PTCD2: variants seen among roughly 807,000 people sequenced by gnomAD.
The protein encoded by PTCD2 is pentatricopeptide repeat domain 2, also known as pentatricopeptide repeat-containing protein 2, mitochondrial.
A neutral mutation model predicts 42.6 loss-of-function variants in PTCD2; 31 were observed. The observed-to-expected ratio is 0.73, with a 90% CI of 0.55 to 0.98. The LOEUF is 0.98. Among genes scored for constraint, PTCD2 ranks in the 50% least tolerant of loss-of-function variants. PTCD2 has a pLI of 0.00. For synonymous variants in PTCD2, 183 were observed against 170.9 expected (o/e 1.07, Z -0.55); for missense variants, 476 against 454.8 (o/e 1.05, Z -0.42).
intron 8 of PTCD2, among the ~76,000 whole-genome samples, chr5:72,344,023 G>T (rs1341400322): frequency 6.6e-6 from 1 of 152,204 alleles, no homozygotes; most frequent in African/African-American, 2.4e-5. Flanking sequence ...AGGAAAACAA[G>T]TCACAATCAA....
chr5:72,326,526 G>A (rs540265245), intron 2 of PTCD2, 86 bp from the exon 3 acceptor site: 16 of 1,476,532 alleles, frequency 1.1e-5, no homozygotes, highest in Middle Eastern at 1.8e-4. Context: ...GTGAGCCGGG[G>A]TTGGGCTTCC....
chr5:72,342,014 C>T (rs1752089585), intron 7 of PTCD2, among the ~76,000 whole-genome samples: 1 of 151,862 alleles, frequency 6.6e-6, no homozygotes, highest in African/African-American at 2.4e-5. Flanking sequence ...CACTGCACTC[C>T]AGCCTGGGCA....
Position 72,359,594 on chromosome 5 carries a change from C to A in PTCD2, c.*1167C>A, listed in dbSNP as rs1753044482. 6.6e-6 allele frequency: 1 copy of A among 152,206 alleles called. No individual in the cohort carries two copies. Among genetic ancestry groups the A allele is most frequent in the African/African-American group, 2.4e-5 (1 of 41,460 alleles). 9.4% of individuals were successfully genotyped at this position (152,206 alleles called of 1,614,324 possible). A position where few individuals can be genotyped will look rare whatever the true frequency, so the allele number is the denominator to read the frequency against. Reference sequence around the variant, plus strand: ...TTCTGAGTCTCCTAATTAATTCCTTCATCTTTCAGGTTAAGGAAACGATCC... The same window carrying A: ...TTCTGAGTCTCCTAATTAATTCCTTAATCTTTCAGGTTAAGGAAACGATCC... On this transcript the variant is annotated 3_prime_UTR_variant, in exon 10 of 10. Coordinates refer to ENST00000380639, the MANE Select transcript of PTCD2 (RefSeq NM_024754.5).
In PTCD2 at chr5:72,335,041, C is replaced by T. The variant is rs1751655127; in HGVS notation, c.492C>T (p.Asp164=). The stretch of plus-strand genomic sequence containing the variant: ...AGCATTTACGAGGTTTCTTCTCAGA[C>T]TCCACATCATTCAATATTTTGATGG... ...KDQHLRGFFS[D]STSFNILMDM... The change falls in exon 5 of 10, where the codon GAC becomes GAT. Residue 164 remains aspartate, a synonymous_variant. Transcript: ENST00000380639. The T allele has an allele frequency of 2.5e-6, 4 of 1,596,180 alleles. No homozygotes were observed. Among genetic ancestry groups the T allele is most frequent in the Non-Finnish European group, 3.4e-6 (4 of 1,164,256 alleles).
chr5:72,335,133 C>A, intron 5 of PTCD2, 37 bp downstream of exon 5: 2 of 1,223,072 alleles, frequency 1.6e-6, no homozygotes, highest in East Asian at 2.3e-5. Context: ...AAAAATTCTG[C>A]CATGTTTGCT....
rs2112160796 is a variant in PTCD2, at chr5:72,335,027, G to A, written c.478G>A (p.Gly160Ser). ...VELMKDQHLR[G>S]FFSDSTSFNI... ...TGTTCTTCTTCGTTAGCATTTACGA[G>A]GTTTCTTCTCAGACTCCACATCATT... Residue 160 changes from glycine to serine, a missense_variant, in exon 5 of 10, where the codon GGT becomes AGT. Coordinates refer to ENST00000380639, the MANE Select transcript of PTCD2 (RefSeq NM_024754.5). The A allele has an allele frequency of 6.3e-7, 1 of 1,591,670 alleles. No individual in the cohort carries two copies. Among genetic ancestry groups the A allele is most frequent in the Non-Finnish European group, 8.6e-7 (1 of 1,160,422 alleles).
rs764385462 is a variant in PTCD2, at chr5:72,343,014, G to A, written c.806G>A (p.Ser269Asn). ...TTTTCTCAAATCATGAATCCAGAAAGCATAGCCTGCATTAATTTAAATGTA... is the reference window on the plus strand; with the variant it reads ...TTTTCTCAAATCATGAATCCAGAAAACATAGCCTGCATTAATTTAAATGTA... ...SIFSQIMNPE[S>N]IACINLNIII... The change falls in exon 8 of 10, where the codon AGC (serine) becomes AAC (asparagine). Residue 269 changes from serine (S) to asparagine (N), a missense_variant. Physicochemically the swap from Ser to Asn is conservative, Grantham distance 46. Transcript: ENST00000380639. 1.3e-6 allele frequency: 2 copies of A among 1,591,896 alleles called. No homozygotes were observed. The highest frequency in any genetic ancestry group is 4.5e-5 in the East Asian group (2 of 44,334).
chr5:72,326,283 T>TG (rs1751132489), intron 2 of PTCD2, among the ~76,000 whole-genome samples: 1 of 152,262 alleles, frequency 6.6e-6, no homozygotes, highest in Non-Finnish European at 1.5e-5. Context: ...GCCAAGCCTC[T>TG]GGAACAGTAA....
chr5:72,330,254 A>G (rs568497654), intron 3 of PTCD2, among the ~76,000 whole-genome samples: 4 of 152,158 alleles, frequency 2.6e-5, no homozygotes, highest in Non-Finnish European at 1.5e-5. Context: ...TGTAACTTCT[A>G]TAAGTGGATA....
In PTCD2 at chr5:72,368,124, GA is replaced by G. The variant is rs1249520445; in HGVS notation, c.*9698del. On this transcript the variant is annotated 3_prime_UTR_variant, in exon 10 of 10. Transcript: ENST00000380639. Reference sequence around the variant, plus strand: ...TTCCACATTTCACTTTGCAGGTGTAGACATGACTTTTAGGTTGTTGATGATT... The same window carrying G: ...TTCCACATTTCACTTTGCAGGTGTAGCATGACTTTTAGGTTGTTGATGATT... 3 of 152,274 alleles carry G rather than the reference GA, an allele frequency of 2.0e-5. No individual in the cohort carries two copies. Among genetic ancestry groups the G allele is most frequent in the African/African-American group, 7.2e-5 (3 of 41,548 alleles). 9.4% of individuals were successfully genotyped at this position (152,274 alleles called of 1,614,324 possible). A position where few individuals can be genotyped will look rare whatever the true frequency, so the allele number is the denominator to read the frequency against.
intron 1 of PTCD2, 89 bp downstream of exon 1, chr5:72,320,598 C>T: frequency 6.4e-7 from 1 of 1,572,822 alleles, no homozygotes. Context: ...GGAGCAGCCA[C>T]AGCTCCTAAG....
At chr5:72,335,638 T>C in intron 5 of PTCD2, 156 bp from the exon 6 acceptor site, 1 of 499,922 alleles carries the variant, frequency 2.0e-6, no homozygotes. Context: ...ACTTGATAGT[T>C]TATTTCAACA....
Position 72,364,073 on chromosome 5 carries a change from A to AT in PTCD2, c.*5652dup, listed in dbSNP as rs1753148822. The AT allele has an allele frequency of 6.6e-6, 1 of 152,352 alleles. No individual in the cohort carries two copies. The highest frequency in any genetic ancestry group is 1.5e-5 in the Non-Finnish European group (1 of 68,028). The allele number at this position is 152,352 out of a possible 1,614,324, so 9.4% of individuals were successfully genotyped here. On this transcript the variant is annotated 3_prime_UTR_variant, in exon 10 of 10. Coordinates refer to ENST00000380639, the MANE Select transcript of PTCD2 (RefSeq NM_024754.5). ...TGCACAAAAATAAAAGTGAAATGGT[A>AT]TTTTTTAAAAGGAAGTGGTTCAACT...
At position 72,361,287 on chromosome 5, in the gene PTCD2, C is replaced by A. The variant is rs1753089560; in HGVS notation, c.*2860C>A. On this transcript the variant is annotated 3_prime_UTR_variant, in exon 10 of 10. Coordinates refer to ENST00000380639, the MANE Select transcript of PTCD2 (RefSeq NM_024754.5). ...CATTATCCTAAGTACTGACTGGGCT[C>A]AGCCAGACAGTTCTTATTCGGGTTC... 1 of 152,208 alleles carries A rather than the reference C, an allele frequency of 6.6e-6. No homozygotes were observed. Among genetic ancestry groups the A allele is most frequent in the Non-Finnish European group, 1.5e-5 (1 of 68,040 alleles). The allele number at this position is 152,208 out of a possible 1,614,324, so 9.4% of individuals were successfully genotyped here.
In PTCD2 at chr5:72,358,831, A is replaced by G. The variant is rs1001931164; in HGVS notation, c.*404A>G. The G allele has an allele frequency of 3.0e-5, 6 of 200,908 alleles. No homozygotes were observed. The highest frequency in any genetic ancestry group is 1.4e-4 in the African/African-American group (6 of 42,954). The allele number at this position is 200,908 out of a possible 1,614,324, so 12.4% of individuals were successfully genotyped here. A position where few individuals can be genotyped will look rare whatever the true frequency, so the allele number is the denominator to read the frequency against. On this transcript the variant is annotated 3_prime_UTR_variant, in exon 10 of 10. Transcript: ENST00000380639. ...CCTTGCTGAATTCAGGAGGTATGAA[A>G]CCCTATTTTACCATGTTAGAAAACA... is the stretch of plus-strand genomic sequence containing the variant.
At chr5:72,343,665 C>A (rs192067744) in intron 8 of PTCD2, among the ~76,000 whole-genome samples, 2 of 152,232 alleles carry the variant, frequency 1.3e-5, no homozygotes, top group Admixed American at 6.5e-5. Flanking sequence ...ACATGCAAAA[C>A]CTTAATCCCT....
Position 72,360,234 on chromosome 5 carries a change from A to C in PTCD2, c.*1807A>C, listed in dbSNP as rs1753061790. ...CAAAAAAAAAAAAAAAAGTGCTTGG[A>C]TTTCTCCACTTTCAGTCTTAGGGAA... On this transcript the variant is annotated 3_prime_UTR_variant, in exon 10 of 10. Transcript: ENST00000380639. 1 of 149,094 alleles carries C rather than the reference A, an allele frequency of 6.7e-6. No individual in the cohort carries two copies. The highest frequency in any genetic ancestry group is 6.7e-5 in the Admixed American group (1 of 15,006). The allele number at this position is 149,094 out of a possible 1,614,324, so 9.2% of individuals were successfully genotyped here.
chr5:72,365,947 C>T lies in PTCD2; in HGVS notation c.*7520C>T, dbSNP rs989360121. ...AAGACTTACCAGCTGGGCAAGGTAG[C>T]TCAAGTTTGTAATCCCAGCACTTAG... On this transcript the variant is annotated 3_prime_UTR_variant, in exon 10 of 10. Coordinates refer to ENST00000380639, the MANE Select transcript of PTCD2 (RefSeq NM_024754.5). The T allele has an allele frequency of 1.3e-5, 2 of 152,178 alleles. No homozygotes were observed. The highest frequency in any genetic ancestry group is 2.9e-5 in the Non-Finnish European group (2 of 68,044). The allele number at this position is 152,178 out of a possible 1,614,324, so 9.4% of individuals were successfully genotyped here.
At chr5:72,353,539 A>T (rs570762994) in intron 9 of PTCD2, among the ~76,000 whole-genome samples, 10 of 152,356 alleles carry the variant, frequency 6.6e-5, no homozygotes, top group African/African-American at 2.4e-4. Context: ...TGAAAGAACA[A>T]ACAAGACTAG....
Sources: gnomAD v4.1 joint callset for allele counts (sites outside exome capture counted in the v4.1 genomes callset) on GRCh38, gnomAD v4.1.1 for gene constraint, MANE v1.5 for transcripts, NCBI Gene and HGNC (gene_info 2026-07-23, HGNC 2026-07-21) for gene names.